GATAD2B: variants seen among roughly 807,000 people sequenced by gnomAD.
GATAD2B encodes the protein transcriptional repressor p66-beta.
A neutral mutation model predicts 64.3 loss-of-function variants in GATAD2B; 8 were observed. That is an observed-to-expected ratio of 0.12 (90% CI 0.07 to 0.22). GATAD2B has a LOEUF of 0.22. GATAD2B is among the 10% of genes least tolerant of loss of function. The probability of loss-of-function intolerance (pLI) is 1.00; values close to 1 mark genes in which losing one functional copy is unlikely to be tolerated. For missense variants in GATAD2B, 453 were observed against 752.0 expected (o/e 0.60, Z 4.65); for synonymous variants, 281 against 271.3 (o/e 1.04, Z -0.35).
chr1:153,883,954 A>G (rs946596520), intron 1 of GATAD2B, among the ~76,000 whole-genome samples: 1 of 151,960 alleles, frequency 6.6e-6, no homozygotes, highest in Non-Finnish European at 1.5e-5. Context: ...AATCATACTC[A>G]CCCAAAACCA....
intron 7 of GATAD2B, among the ~76,000 whole-genome samples, chr1:153,813,943 A>G (rs1358716196): frequency 6.6e-6 from 1 of 152,200 alleles, no homozygotes; most frequent in African/African-American, 2.4e-5. Flanking sequence ...GTGCCAGTGC[A>G]CTCCAGCCTG....
At chr1:153,916,914 T>G (rs1328565519) in intron 1 of GATAD2B, among the ~76,000 whole-genome samples, 1 of 152,114 alleles carries the variant, frequency 6.6e-6, no homozygotes, top group Non-Finnish European at 1.5e-5. Flanking sequence ...GTTCAAGCTA[T>G]TCTCTGCCTC....
intron 1 of GATAD2B, among the ~76,000 whole-genome samples, chr1:153,895,977 T>C (rs906817502): frequency 1.6e-5 from 2 of 128,366 alleles, no homozygotes; most frequent in Middle Eastern, 4.2e-3. Flanking sequence ...CTGGGCAACA[T>C]AGCAAGACTC....
Position 153,809,223 on chromosome 1 carries a change from T to G in GATAD2B, c.*954A>C, listed in dbSNP as rs796726521. On this transcript the variant is annotated 3_prime_UTR_variant, in exon 11 of 11. Transcript: ENST00000368655. ...TAGATTAGAATTTTTAAAAGCAGGG[T>G]GGGGTGAGGGAGAATTTTACAAAGA... 6.6e-5 allele frequency: 10 copies of G among 152,014 alleles called. No homozygotes were observed. Among genetic ancestry groups the G allele is most frequent in the Admixed American group, 2.6e-4 (4 of 15,240 alleles). The allele number at this position is 152,014 out of a possible 1,614,324, so 9.4% of individuals were successfully genotyped here.
At chr1:153,848,210 A>C (rs1570955414) in intron 1 of GATAD2B, among the ~76,000 whole-genome samples, 1 of 152,152 alleles carries the variant, frequency 6.6e-6, no homozygotes, top group Non-Finnish European at 1.5e-5. Flanking sequence ...TTCTACAGCA[A>C]AATTCCTCAA....
intron 1 of GATAD2B, among the ~76,000 whole-genome samples, chr1:153,888,333 TTC>T (rs747892225): frequency 1.3e-5 from 2 of 152,290 alleles, no homozygotes; most frequent in Non-Finnish European, 2.9e-5. Flanking sequence ...ACAGAATAAT[TTC>T]TGTCTTCCAA....
intron 1 of GATAD2B, among the ~76,000 whole-genome samples, chr1:153,861,781 C>CAAAAAAAACAAAAAA (rs1676291435): frequency 1.2e-5 from 1 of 85,722 alleles, no homozygotes; most frequent in Non-Finnish European, 2.4e-5. Flanking sequence ...GACTCCATTT[C>CAAAAAAAACAAAAAA]AAAAAAAAAA....
intron 1 of GATAD2B, among the ~76,000 whole-genome samples, chr1:153,842,906 C>T (rs1260240389): frequency 6.7e-6 from 1 of 150,002 alleles, no homozygotes; most frequent in Non-Finnish European, 1.5e-5. Context: ...CTGCCCGCCT[C>T]GGCCTCCCAA....
intron 1 of GATAD2B, among the ~76,000 whole-genome samples, chr1:153,886,978 T>C (rs981220272): frequency 3.9e-5 from 6 of 152,174 alleles, no homozygotes; most frequent in Non-Finnish European, 1.5e-5. Context: ...TTTATCTAGC[T>C]GTTAGTCCTC....
At position 153,808,751 on chromosome 1, in the gene GATAD2B, G is replaced by C. The variant is rs1276040958; in HGVS notation, c.*1426C>G. 2 of 113,612 alleles carry C rather than the reference G, an allele frequency of 1.8e-5. No homozygotes were observed. The highest frequency in any genetic ancestry group is 3.0e-4 in the South Asian group (1 of 3,328). The allele number at this position is 113,612 out of a possible 1,614,324, so 7.0% of individuals were successfully genotyped here. A position where few individuals can be genotyped will look rare whatever the true frequency, so the allele number is the denominator to read the frequency against. ...GGGATGCTAATCTCCCCAGTCCCCA[G>C]AACAGCAACATTGCACAATTCAATT... is the stretch of plus-strand genomic sequence containing the variant. On this transcript the variant is annotated 3_prime_UTR_variant, in exon 11 of 11. Transcript: ENST00000368655.
intron 1 of GATAD2B, among the ~76,000 whole-genome samples, chr1:153,880,200 C>T (rs890478251): frequency 6.6e-6 from 1 of 151,686 alleles, no homozygotes; most frequent in African/African-American, 2.4e-5. Flanking sequence ...CAGTGGCTCA[C>T]GCCTGTAATT....
intron 1 of GATAD2B, among the ~76,000 whole-genome samples, chr1:153,862,029 G>T (rs1158668238): frequency 6.7e-6 from 1 of 148,648 alleles, no homozygotes; most frequent in Non-Finnish European, 1.5e-5. Context: ...TATATACCTA[G>T]TTGCTAAAAG....
Position 153,809,923 on chromosome 1 carries a change from T to C in GATAD2B, c.*254A>G. 2.6e-6 allele frequency: 1 copy of C among 385,012 alleles called. No homozygotes were observed. Among genetic ancestry groups the C allele is most frequent in the Non-Finnish European group, 4.7e-6 (1 of 215,038 alleles). The allele number at this position is 385,012 out of a possible 1,614,324, so 23.8% of individuals were successfully genotyped here. On this transcript the variant is annotated 3_prime_UTR_variant, in exon 11 of 11. Transcript: ENST00000368655. ...CCTCTATCAGAGGTAAAGATCCACC[T>C]CACTGTTAAAGAAAACTGAAGAGAG...
intron 1 of GATAD2B, among the ~76,000 whole-genome samples, chr1:153,865,198 G>A (rs1046245898): frequency 5.3e-5 from 8 of 152,294 alleles, no homozygotes; most frequent in Admixed American, 3.3e-4. Flanking sequence ...AGTGGCTCAC[G>A]CCTATAATCC....
At chr1:153,812,587 C>A (rs1020249858) in intron 8 of GATAD2B, among the ~76,000 whole-genome samples, 3 of 152,072 alleles carry the variant, frequency 2.0e-5, no homozygotes, top group African/African-American at 7.2e-5. Context: ...TTTATTTTAT[C>A]ACTTTTTCTT....
intron 2 of GATAD2B, among the ~76,000 whole-genome samples, chr1:153,823,619 G>A (rs1222649030): frequency 1.3e-5 from 2 of 152,028 alleles, no homozygotes; most frequent in African/African-American, 2.4e-5. Context: ...CAAAGTGCTG[G>A]GAATACAGGC....
At chr1:153,872,127 GAAC>G (rs1312152039) in intron 1 of GATAD2B, among the ~76,000 whole-genome samples, 2 of 151,856 alleles carry the variant, frequency 1.3e-5, no homozygotes, top group African/African-American at 4.8e-5. Flanking sequence ...AGACCAGCCT[GAAC>G]AACATGGTGA....
intron 1 of GATAD2B, among the ~76,000 whole-genome samples, chr1:153,860,135 G>A (rs1383827874): frequency 6.6e-6 from 1 of 151,216 alleles, no homozygotes; most frequent in East Asian, 2.0e-4. Context: ...GGCTGGTCTC[G>A]AACTCCTGAC....
intron 2 of GATAD2B, among the ~76,000 whole-genome samples, chr1:153,820,974 ATTTTTTTTTTTT>A (rs869096882): frequency 3.3e-4 from 17 of 50,866 alleles, no homozygotes; most frequent in South Asian, 1.1e-3. Context: ...GGCACATGGA[ATTTTTTTTTTTT>A]TTTTTTTTTT....
Sources: allele counts gnomAD v4.1 joint callset (sites outside exome capture counted in the v4.1 genomes callset), GRCh38; gene constraint gnomAD v4.1.1; transcripts MANE v1.5; gene names NCBI Gene and HGNC (gene_info 2026-07-23, HGNC 2026-07-21).